The following FTCDNL1 variants were observed in gnomAD, a reference collection of about 807,000 sequenced individuals.
FTCDNL1 encodes formiminotransferase N-terminal subdomain-containing protein.
FTCDNL1 carries 11 observed loss-of-function variants against 5.9 expected under a neutral mutation model. The observed-to-expected ratio is 1.87, with a 90% CI of 1.18 to 3.10. The LOEUF is 3.10. Ranked by LOEUF, FTCDNL1 falls within the 30% of genes most tolerant of loss-of-function variation. FTCDNL1 has a pLI of 0.00. For synonymous variants in FTCDNL1, 58 were observed against 24.8 expected (o/e 2.34, Z -3.99); for missense variants, 115 against 65.5 (o/e 1.76, Z -2.61).
the FTCDNL1 span, among the ~76,000 whole-genome samples, chr2:199,702,302 C>A: frequency 3.9e-5 from 6 of 151,908 alleles, no homozygotes; most frequent in African/African-American, 9.7e-5. Context: ...GGAAAGAAAA[C>A]AATAATAATA....
chr2:199,743,779 T>A, the FTCDNL1 span, among the ~76,000 whole-genome samples: 167 of 152,064 alleles, frequency 1.1e-3, no homozygotes, highest in African/African-American at 3.9e-3. Context: ...ATTTCCAGAG[T>A]GATATTTTCA....
At chr2:199,800,263 TA>T (rs1700376870) in intron 3 of FTCDNL1, among the ~76,000 whole-genome samples, 1 of 152,154 alleles carries the variant, frequency 6.6e-6, no homozygotes, top group Non-Finnish European at 1.5e-5. Context: ...ACTTACAAGA[TA>T]TATGACCTCA....
intron 3 of FTCDNL1, among the ~76,000 whole-genome samples, chr2:199,800,372 T>C (rs1700381103): frequency 6.6e-6 from 1 of 152,106 alleles, no homozygotes; most frequent in Non-Finnish European, 1.5e-5. Flanking sequence ...AATAAAGTAA[T>C]AGATGTGCCA....
chr2:199,703,748 C>T, the FTCDNL1 span, among the ~76,000 whole-genome samples: 1 of 151,988 alleles, frequency 6.6e-6, no homozygotes, highest in Non-Finnish European at 1.5e-5. Flanking sequence ...ACATGTACCC[C>T]CTTAAAAGTT....
intron 3 of FTCDNL1, among the ~76,000 whole-genome samples, chr2:199,821,718 C>T (rs1701704759): frequency 6.6e-6 from 1 of 152,168 alleles, no homozygotes; most frequent in South Asian, 2.1e-4. Flanking sequence ...CTGCCTCAGC[C>T]TCCCAAAGTG....
intron 3 of FTCDNL1, among the ~76,000 whole-genome samples, chr2:199,790,223 C>T (rs1160805366): frequency 1.6e-4 from 24 of 151,814 alleles, no homozygotes; most frequent in Admixed American, 9.8e-4. Flanking sequence ...TGCGGCTGGG[C>T]GCGGTGACTC....
At chr2:199,822,283 A>C (rs1701742460) in intron 3 of FTCDNL1, among the ~76,000 whole-genome samples, 1 of 152,174 alleles carries the variant, frequency 6.6e-6, no homozygotes, top group South Asian at 2.1e-4. Context: ...ATATGCCTGT[A>C]GTCCCAGCTA....
intron 3 of FTCDNL1, among the ~76,000 whole-genome samples, chr2:199,786,331 T>C (rs1239931882): frequency 6.6e-6 from 1 of 151,968 alleles, no homozygotes; most frequent in Admixed American, 6.6e-5. Context: ...CCTGTTTATA[T>C]ATATATATTG....
the FTCDNL1 span, among the ~76,000 whole-genome samples, chr2:199,744,461 G>A: frequency 6.8e-6 from 1 of 147,582 alleles, no homozygotes; most frequent in African/African-American, 2.4e-5. Flanking sequence ...GAGAGAGAGA[G>A]AGAGACAGAG....
chr2:199,724,978 G>T, the FTCDNL1 span, among the ~76,000 whole-genome samples: 2 of 152,106 alleles, frequency 1.3e-5, no homozygotes, highest in East Asian at 3.9e-4. Context: ...TTGACAACAA[G>T]GTGTTAAAGT....
At chr2:199,792,281 C>A (rs1699970346) in intron 3 of FTCDNL1, among the ~76,000 whole-genome samples, 1 of 152,118 alleles carries the variant, frequency 6.6e-6, no homozygotes, top group African/African-American at 2.4e-5. Flanking sequence ...ATAATTGATA[C>A]TAGATTTTAA....
chr2:199,765,532 T>TA lies in FTCDNL1; in HGVS notation c.212-4698_212-4697insT, dbSNP rs1553535894. On this transcript the variant is annotated intron_variant, in intron 3 of 3. Coordinates refer to the FTCDNL1 transcript ENST00000416668. ...ACGTGGCATCTCTTTTTTGTCTTCA[T>TA]TATATATATATATATATATATATAT... Among the ~76,000 whole-genome samples, 506 of 79,538 alleles carry TA rather than the reference T, an allele frequency of 6.4e-3. 8 individuals carry two copies. Among genetic ancestry groups the TA allele is most frequent in the East Asian group, 0.038 (60 of 1,578 alleles). 52.2% of individuals were successfully genotyped at this position (79,538 alleles called of 152,430 possible).
the FTCDNL1 span, among the ~76,000 whole-genome samples, chr2:199,701,182 C>T: frequency 3.3e-5 from 5 of 151,728 alleles, no homozygotes; most frequent in African/African-American, 4.8e-5. Context: ...AGGAATGCTA[C>T]GTTTTCTAGC....
chr2:199,836,943 G>A (rs544587835), intron 3 of FTCDNL1, among the ~76,000 whole-genome samples: 6 of 152,316 alleles, frequency 3.9e-5, no homozygotes, highest in South Asian at 4.1e-4. Context: ...AGTGTTGCCC[G>A]ATGGGGTTAA....
At chr2:199,848,529 A>G (rs929305458) in intron 2 of FTCDNL1, among the ~76,000 whole-genome samples, 3 of 152,242 alleles carry the variant, frequency 2.0e-5, no homozygotes, top group Admixed American at 2.0e-4. Flanking sequence ...GGGAAACATT[A>G]TACTTTTATG....
At chr2:199,717,509 A>ATTTTTTTTTTTTTTTTTTTTTTTTTTTT in the FTCDNL1 span, among the ~76,000 whole-genome samples, 2 of 57,688 alleles carry the variant, frequency 3.5e-5, no homozygotes, top group East Asian at 9.2e-4. Context: ...CAAGGCAGAG[A>ATTTTTTTTTTTTTTTTTTTTTTTTTTTT]TTTTTTTTTT....
chr2:199,720,666 C>G, the FTCDNL1 span, among the ~76,000 whole-genome samples: 2 of 152,176 alleles, frequency 1.3e-5, no homozygotes, highest in Admixed American at 1.3e-4. Context: ...TATAAGGACA[C>G]TTGCCGTTGG....
chr2:199,678,404 C>A, the FTCDNL1 span, among the ~76,000 whole-genome samples: 2 of 152,046 alleles, frequency 1.3e-5, no homozygotes, highest in Non-Finnish European at 2.9e-5. Flanking sequence ...TGTAAGATAG[C>A]CCCCTTAGAA....
At chr2:199,728,950 G>A in the FTCDNL1 span, among the ~76,000 whole-genome samples, 48 of 152,242 alleles carry the variant, frequency 3.2e-4, no homozygotes, top group Non-Finnish European at 5.6e-4. Flanking sequence ...AGTTTGTCCT[G>A]CCAGATAATC....
Sources: gnomAD v4.1 joint callset for allele counts (sites outside exome capture counted in the v4.1 genomes callset) on GRCh38, gnomAD v4.1.1 for gene constraint, MANE v1.5 for transcripts, NCBI Gene and HGNC (gene_info 2026-07-23, HGNC 2026-07-21) for gene names.